DST: variants seen among roughly 807,000 people sequenced by gnomAD.
DST encodes bullous pemphigoid antigen.
Under a neutral mutation model 875.2 loss-of-function variants are expected in DST, and 253 were observed. That is an observed-to-expected ratio of 0.29 (90% CI 0.26 to 0.32). The LOEUF is 0.32. Ranked by LOEUF, DST falls within the 10% of genes least tolerant of loss-of-function variation. The pLI is 1.00. For missense variants in DST, 8,287 were observed against 9,111.6 expected, an observed-to-expected ratio of 0.91 and a Z score of 3.68; for synonymous variants, 3,124 against 3,197.1, an observed-to-expected ratio of 0.98 and a Z score of 0.77.
At chr6:56,576,164 G>A (rs1354167223) in intron 50 of DST, among the ~76,000 whole-genome samples, 1 of 152,144 alleles carries the variant, frequency 6.6e-6, no homozygotes, top group Non-Finnish European at 1.5e-5. Flanking sequence ...TGAACACATG[G>A]AGTCCTGAGC....
rs942598690 is a variant in DST, at chr6:56,827,469, T to C, written c.625+23928A>G. ...TTGCAGTCACCTGAGATCGTGCCAC[T>C]GCACTCCAGCCTGGGCAACAGAGTG... On this transcript the variant is annotated intron_variant, in intron 4 of 103. Transcript: ENST00000680361. Among the ~76,000 whole-genome samples the C allele has an allele frequency of 5.4e-5, 7 of 130,132 alleles. 1 individual carries two copies. In the South Asian group the frequency reaches 6.9e-4, roughly 13 times the overall value. The allele number at this position is 130,132 out of a possible 152,430, so 85.4% of individuals were successfully genotyped here.
rs759868935 is a variant in DST, at chr6:56,742,241, G to GA, written c.626-6953dup. 72 of 1,236,202 alleles carry GA rather than the reference G, an allele frequency of 5.8e-5. No homozygotes were observed. In the East Asian group the frequency reaches 3.5e-3, roughly 61 times the overall value. The allele number at this position is 1,236,202 out of a possible 1,614,324, so 76.6% of individuals were successfully genotyped here. A position where few individuals can be genotyped will look rare whatever the true frequency, so the allele number is the denominator to read the frequency against. On this transcript the variant is annotated intron_variant, in intron 4 of 103. Transcript: ENST00000680361. The stretch of plus-strand genomic sequence containing the variant: ...TTTCCCTTCCCAGTTCTGAAAACAT[G>GA]AAAGTGATAGTATATGTGATACTAC...
At position 56,501,126 on chromosome 6, in the gene DST, A is replaced by G. The variant is rs768900844; in HGVS notation, c.19850T>C (p.Val6617Ala). Residue 6617 changes from valine to alanine, a missense_variant, in exon 80 of 104, where the codon GTT becomes GCT. Coordinates refer to ENST00000680361, the MANE Select transcript of DST (RefSeq NM_001374736.1). The stretch of plus-strand genomic sequence containing the variant: ...TTCAATGGCTTTAGGGTCTCCTCCA[A>G]CAGGTTTCTGCTCACTTAGCAAGCC... ...TEGLLSEQKP[V>A]GGDPKAIEIE... The G allele has an allele frequency of 3.1e-6, 5 of 1,612,862 alleles. No individual in the cohort carries two copies. In the South Asian group the frequency reaches 4.4e-5, roughly 14 times the overall value.
intron 67 of DST, 115 bp downstream of exon 67, chr6:56,528,726 G>A: frequency 1.4e-6 from 1 of 724,554 alleles, no homozygotes; most frequent in Non-Finnish European, 2.4e-6. Flanking sequence ...CAGAATAAAA[G>A]TCTTGGAATG....
intron 63 of DST, among the ~76,000 whole-genome samples, chr6:56,534,751 T>C (rs982263483): frequency 6.6e-6 from 1 of 152,132 alleles, no homozygotes; most frequent in Non-Finnish European, 1.5e-5. Context: ...AGGTCCCTCA[T>C]CTTTGCTCTA....
rs1192908458 is a variant in DST at position 56,606,841 on chromosome 6, T to C, written c.7787A>G (p.Asn2596Ser). 6.2e-7 allele frequency: 1 copy of C among 1,612,728 alleles called. No individual in the cohort carries two copies. Among genetic ancestry groups the C allele is most frequent in the Non-Finnish European group, 8.5e-7 (1 of 1,179,016 alleles). The change falls in exon 40 of 104, where the codon AAT becomes AGT. Residue 2596 changes from asparagine (N) to serine (S), a missense_variant. By Grantham distance (46) the Asn-to-Ser change is conservative (BLOSUM62 1). This residue lies in a region of DST where 3,138 missense variants were observed against 3,116.6 expected (regional missense o/e 1.01). Transcript: ENST00000680361. The stretch of plus-strand genomic sequence containing the variant: ...TGTTCCTGTGTTATTCTGCTGATCA[T>C]TCAGCAGTGACGTTTCATAGTCACT... ...SASDYETSLL[N>S]DQQNNTGTDT...
At chr6:56,630,577 C>T (rs930157731) in intron 30 of DST, among the ~76,000 whole-genome samples, 194 bp from the exon 31 acceptor site, 5 of 152,074 alleles carry the variant, frequency 3.3e-5, no homozygotes, top group African/African-American at 1.2e-4. Flanking sequence ...TCCCCTGCCC[C>T]ACAAGTGGTA....
chr6:56,600,039 T>G (rs780465381), intron 45 of DST, 30 bp downstream of exon 45: 2 of 1,584,440 alleles, frequency 1.3e-6, no homozygotes, highest in African/African-American at 1.3e-5. Flanking sequence ...AACATCAACA[T>G]AGATCTGCTG....
At chr6:56,644,742 AG>A (rs2098932139) in intron 15 of DST, among the ~76,000 whole-genome samples, 1 of 152,196 alleles carries the variant, frequency 6.6e-6, no homozygotes, top group South Asian at 2.1e-4. Context: ...TTTAGGTGTA[AG>A]GCAGCCAGTG....
intron 85 of DST, among the ~76,000 whole-genome samples, chr6:56,491,484 G>C (rs1459952324): frequency 6.6e-6 from 1 of 152,108 alleles, no homozygotes; most frequent in Non-Finnish European, 1.5e-5. Flanking sequence ...GGAGTACAAA[G>C]ACACACAGAG....
chr6:56,603,521 T>A (rs2098465381), intron 41 of DST, 43 bp downstream of exon 41: 1 of 1,591,584 alleles, frequency 6.3e-7, no homozygotes, highest in African/African-American at 1.4e-5. Flanking sequence ...CAGTCATACA[T>A]CAGCTGACTA....
intron 75 of DST, 79 bp from the exon 76 acceptor site, chr6:56,506,868 G>A: frequency 7.4e-7 from 1 of 1,356,022 alleles, no homozygotes; most frequent in Non-Finnish European, 9.7e-7. Context: ...CAATATCAAT[G>A]GTAGTTATTT....
intron 4 of DST, among the ~76,000 whole-genome samples, chr6:56,836,886 A>G (rs1263618235): frequency 1.7e-5 from 2 of 118,392 alleles, no homozygotes; most frequent in East Asian, 3.8e-4. Context: ...GAAAATAAAC[A>G]AAGAAAAAAT....
chr6:56,822,370 G>A (rs185919534), intron 4 of DST, among the ~76,000 whole-genome samples: 103 of 152,140 alleles, frequency 6.8e-4, no homozygotes, highest in African/African-American at 2.4e-3. Flanking sequence ...TGGGACGCAG[G>A]GGGAGGCAGC....
intron 28 of DST, 141 bp from the exon 29 acceptor site, chr6:56,632,181 T>A (rs1283534314): frequency 1.1e-5 from 7 of 612,008 alleles, no homozygotes; most frequent in African/African-American, 9.2e-5. Context: ...AAACCCATTC[T>A]AAGGATATAA....
At chr6:56,894,760 A>C (rs1284452075) in intron 3 of DST, among the ~76,000 whole-genome samples, 18 of 50,026 alleles carry the variant, frequency 3.6e-4, no homozygotes, top group South Asian at 6.9e-4. Context: ...CAGGGGGCTG[A>C]CCCCCCCTCC....
At chr6:56,954,220 T>C (rs1396851796) in intron 1 of DST, among the ~76,000 whole-genome samples, 187 bp downstream of exon 1, 1 of 152,086 alleles carries the variant, frequency 6.6e-6, no homozygotes, top group Non-Finnish European at 1.5e-5. Context: ...TATTCAAACC[T>C]GGGAGACTGG....
intron 63 of DST, among the ~76,000 whole-genome samples, chr6:56,532,879 A>C (rs1406449368): frequency 1.3e-5 from 2 of 152,368 alleles, no homozygotes; most frequent in South Asian, 4.1e-4. Context: ...TTAAACATTC[A>C]ACAACTATCT....
intron 36 of DST, chr6:56,616,520 G>T: frequency 6.2e-7 from 1 of 1,614,132 alleles, no homozygotes; most frequent in Non-Finnish European, 8.5e-7. Context: ...AAAGCATTGG[G>T]ACTCTACATC....
Sources: gnomAD v4.1 joint callset for allele counts (sites outside exome capture counted in the v4.1 genomes callset) on GRCh38, gnomAD v4.1.1 for gene constraint, gnomAD v4.1.1 regional missense constraint, MANE v1.5 for transcripts, NCBI Gene and HGNC (gene_info 2026-07-23, HGNC 2026-07-21) for gene names.